GABBR2: variants seen among roughly 807,000 people sequenced by gnomAD.
GABBR2 encodes gamma-aminobutyric acid type B receptor subunit 2.
GABBR2 carries 23 observed loss-of-function variants against 105.6 expected under a neutral mutation model. The ratio of observed to expected loss-of-function variants is 0.22; its 90% CI spans 0.16 to 0.31. The LOEUF is 0.31. Ranked by LOEUF, GABBR2 falls within the 10% of genes least tolerant of loss-of-function variation. The pLI, the probability that GABBR2 is intolerant of heterozygous loss-of-function variation, is 1.00. For missense variants in GABBR2, 734 were observed against 1,245.5 expected (o/e 0.59, Z 6.18); for synonymous variants, 478 against 499.7 (o/e 0.96, Z 0.58).
Position 98,311,188 on chromosome 9 carries a change from C to T in GABBR2, c.1911G>A (p.Arg637=), listed in dbSNP as rs146358304. ...CCAGGAGAGGGCGGATGGAGATATC[C>T]CGTCCTGCTGGGTCCGGCTGTGCAA... ...KYSMEPDPAG[R]DISIRPLLEH... is the part of the protein sequence containing the mutation. Residue 637 remains arginine, a synonymous_variant, in exon 14 of 19, where the codon CGG becomes CGA. Coordinates refer to ENST00000259455, the MANE Select transcript of GABBR2 (RefSeq NM_005458.8). The T allele has an allele frequency of 1.4e-5, 23 of 1,612,620 alleles. No homozygotes were observed. The highest frequency in any genetic ancestry group is 1.9e-5 in the Non-Finnish European group (22 of 1,178,760).
rs549075887 is a variant in GABBR2 at position 98,396,000 on chromosome 9, G to A, written c.1298-1745C>T. 6.8e-4 allele frequency among the ~76,000 whole-genome samples: 103 copies of A among 152,264 alleles called. 4 individuals are homozygous for A. The South Asian group carries it at 0.017, about 26-fold the overall frequency. ...CAGTCCCACTTAAAGACAAGGAGAC[G>A]GAGGCTCAGACAGCTTGTGGCTTTG... On this transcript the variant is annotated intron_variant, in intron 8 of 18. Transcript: ENST00000259455.
chr9:98,575,064 G>A (rs1385289645), intron 2 of GABBR2, among the ~76,000 whole-genome samples: 1 of 139,586 alleles, frequency 7.2e-6, no homozygotes, highest in African/African-American at 2.8e-5. Context: ...CAGCTGGAGA[G>A]ACAAACATTT....
intron 7 of GABBR2, among the ~76,000 whole-genome samples, chr9:98,424,691 GACAA>G (rs1316472755): frequency 1.3e-5 from 2 of 149,874 alleles, no homozygotes; most frequent in African/African-American, 2.4e-5. Flanking sequence ...ACCAATAACA[GACAA>G]ACAGAGAGCC....
intron 2 of GABBR2, among the ~76,000 whole-genome samples, chr9:98,558,881 GT>G (rs1204357726): frequency 1.3e-5 from 2 of 152,212 alleles, no homozygotes; most frequent in African/African-American, 2.4e-5. Flanking sequence ...GATCTCAATA[GT>G]ACAGTTCTAT....
At chr9:98,566,146 T>G (rs919564067) in intron 2 of GABBR2, among the ~76,000 whole-genome samples, 7 of 152,216 alleles carry the variant, frequency 4.6e-5, no homozygotes, top group African/African-American at 1.7e-4. Flanking sequence ...CCGGCCAGCC[T>G]GGGACTTTCC....
chr9:98,587,355 T>C (rs757521475), intron 1 of GABBR2, among the ~76,000 whole-genome samples: 3 of 152,192 alleles, frequency 2.0e-5, no homozygotes, highest in African/African-American at 2.4e-5. Flanking sequence ...ACACCTTCTA[T>C]TGGGCTCCTA....
chr9:98,301,512 T>A (rs34562398), intron 16 of GABBR2, among the ~76,000 whole-genome samples: 7,847 of 152,302 alleles, frequency 0.052, 342 homozygotes, highest in Middle Eastern at 0.14. Flanking sequence ...TGTTCTGATG[T>A]CAGGAACACA....
intron 2 of GABBR2, among the ~76,000 whole-genome samples, chr9:98,558,375 G>A (rs1828618720): frequency 6.6e-6 from 1 of 152,142 alleles, no homozygotes; most frequent in Admixed American, 6.5e-5. Context: ...GTGGGCTAAG[G>A]GAGTGAAGAA....
At chr9:98,562,246 G>A (rs1161632357) in intron 2 of GABBR2, among the ~76,000 whole-genome samples, 1 of 152,048 alleles carries the variant, frequency 6.6e-6, no homozygotes, top group Non-Finnish European at 1.5e-5. Context: ...TGACAATTGT[G>A]GGACATTTTA....
At chr9:98,438,981 A>G (rs1237354179) in intron 7 of GABBR2, among the ~76,000 whole-genome samples, 2 of 152,140 alleles carry the variant, frequency 1.3e-5, no homozygotes, top group Non-Finnish European at 2.9e-5. Context: ...GTGACTTAAC[A>G]TAAAGATAAA....
At chr9:98,453,917 CCT>C (rs531435730) in intron 7 of GABBR2, 62 bp downstream of exon 7, 25 of 1,054,808 alleles carry the variant, frequency 2.4e-5, no homozygotes, top group Non-Finnish European at 3.6e-5. Flanking sequence ...TGTAACAGCC[CCT>C]CTTTTGCTTT....
intron 5 of GABBR2, among the ~76,000 whole-genome samples, chr9:98,475,400 G>A (rs1218634816): frequency 2.0e-5 from 3 of 151,864 alleles, no homozygotes; most frequent in Non-Finnish European, 4.4e-5. Flanking sequence ...TCCTGGCTGG[G>A]GACTAGACTT....
chr9:98,535,523 T>C (rs1468868134), intron 3 of GABBR2, among the ~76,000 whole-genome samples: 1 of 152,090 alleles, frequency 6.6e-6, no homozygotes, highest in Non-Finnish European at 1.5e-5. Flanking sequence ...CTGTATTAGG[T>C]ATTAAAGGTA....
chr9:98,501,243 C>A (rs1006565114), intron 3 of GABBR2, among the ~76,000 whole-genome samples: 10 of 150,892 alleles, frequency 6.6e-5, no homozygotes, highest in Non-Finnish European at 1.5e-4. Flanking sequence ...GGGCTCACTG[C>A]AATCTCCGCC....
intron 1 of GABBR2, among the ~76,000 whole-genome samples, chr9:98,620,365 C>T (rs560348451): frequency 1.3e-5 from 2 of 152,038 alleles, no homozygotes; most frequent in Non-Finnish European, 2.9e-5. Context: ...TAAGGACCGT[C>T]TCCTACATAC....
chr9:98,406,207 C>T, intron 7 of GABBR2, 66 bp from the exon 8 acceptor site: 1 of 860,344 alleles, frequency 1.2e-6, no homozygotes, highest in Non-Finnish European at 1.8e-6. Context: ...CCAAACGCCA[C>T]TGATCTCACA....
chr9:98,644,249 C>T (rs552501443), intron 1 of GABBR2, among the ~76,000 whole-genome samples: 4 of 152,336 alleles, frequency 2.6e-5, no homozygotes, highest in African/African-American at 9.6e-5. Context: ...GATCACTGAC[C>T]AGTCATAATC....
intron 7 of GABBR2, among the ~76,000 whole-genome samples, chr9:98,411,437 G>A (rs559022720): frequency 6.6e-6 from 1 of 152,184 alleles, no homozygotes; most frequent in Admixed American, 6.5e-5. Context: ...ATTTCTCAGG[G>A]TTGTTTCTGA....
intron 3 of GABBR2, among the ~76,000 whole-genome samples, chr9:98,502,150 G>A (rs1216328933): frequency 2.6e-5 from 4 of 152,204 alleles, no homozygotes; most frequent in Admixed American, 6.5e-5. Context: ...GGAGGGGTTG[G>A]AGGAGGAAAA....
Sources: allele counts gnomAD v4.1 joint callset (sites outside exome capture counted in the v4.1 genomes callset), GRCh38; gene constraint gnomAD v4.1.1; transcripts MANE v1.5; gene names NCBI Gene and HGNC (gene_info 2026-07-23, HGNC 2026-07-21).